Variants in EML4 observed in about 807,000 individuals in gnomAD.
The protein encoded by EML4 is EMAP like 4.
A neutral mutation model predicts 129.0 loss-of-function variants in EML4; 72 were observed. The observed-to-expected ratio is 0.56, with a 90% confidence interval of 0.46 to 0.68. The LOEUF (loss-of-function observed/expected upper bound fraction) is 0.68. EML4 is among the 30% of genes least tolerant of loss of function. The pLI is 0.00. For missense variants in EML4, 1,363 were observed against 1,190.6 expected (o/e 1.14, Z -2.13); for synonymous variants, 532 against 405.0 (o/e 1.31, Z -3.77).
At chr2:42,261,728 G>A (rs933314013) in intron 4 of EML4, among the ~76,000 whole-genome samples, 1 of 152,106 alleles carries the variant, frequency 6.6e-6, no homozygotes, top group Non-Finnish European at 1.5e-5. Context: ...ATCTCAAGTG[G>A]CTCTTCACTG....
In EML4 at chr2:42,304,448, C is replaced by T. The variant is rs1386990651; in HGVS notation, c.1900-36C>T. 19 of 1,566,684 alleles carry T rather than the reference C, an allele frequency of 1.2e-5. No individual in the cohort carries two copies. In the East Asian group the frequency reaches 3.8e-4, roughly 31 times the overall value. The stretch of plus-strand genomic sequence containing the variant: ...TACTGTCCCCATAGGGAGACTTTCT[C>T]ATGTACTCCCCAACAGCTGTCTGTC... On this transcript the variant is annotated intron_variant, in intron 16 of 22. Transcript: ENST00000318522.
chr2:42,183,593 G>A (rs776225208), intron 1 of EML4, among the ~76,000 whole-genome samples: 2 of 152,078 alleles, frequency 1.3e-5, no homozygotes, highest in Non-Finnish European at 2.9e-5. Flanking sequence ...GTATATGTAT[G>A]TATAAAATAC....
rs527682010 is a variant in EML4 at position 42,212,962 on chromosome 2, G to A, written c.26-32543G>A. On this transcript the variant is annotated intron_variant, in intron 1 of 22. Transcript: ENST00000318522. ...AAGCCAGTTTTTGCATTCTCATTTG[G>A]CTTATGTGATCTCTAAGTCACTTTC... Among the ~76,000 whole-genome samples, 9 of 152,208 alleles carry A rather than the reference G, an allele frequency of 5.9e-5. No homozygotes were observed. In the East Asian group the frequency reaches 1.7e-3, roughly 29 times the overall value.
At chr2:42,318,693 A>ATT (rs11386473) in intron 19 of EML4, among the ~76,000 whole-genome samples, 3 of 151,672 alleles carry the variant, frequency 2.0e-5, no homozygotes, top group Non-Finnish European at 4.4e-5. Flanking sequence ...CAGACCCCCA[A>ATT]TTTTTTTTGT....
intron 19 of EML4, among the ~76,000 whole-genome samples, chr2:42,321,779 C>T (rs1669535973): frequency 6.6e-6 from 1 of 152,126 alleles, no homozygotes; most frequent in African/African-American, 2.4e-5. Flanking sequence ...GACCACTTTT[C>T]CTCAAACCAG....
chr2:42,216,230 C>CTTTT lies in EML4; in HGVS notation c.26-29248_26-29245dup, dbSNP rs61417977. Among the ~76,000 whole-genome samples the CTTTT allele has an allele frequency of 3.8e-3, 164 of 43,380 alleles. 17 individuals are homozygous for CTTTT. The highest frequency in any genetic ancestry group is 0.016 in the Middle Eastern group (1 of 64). The allele number at this position is 43,380 out of a possible 152,430, so 28.5% of individuals were successfully genotyped here. A position where few individuals can be genotyped will look rare whatever the true frequency, so the allele number is the denominator to read the frequency against. The stretch of plus-strand genomic sequence containing the variant: ...ATGAGCTACCACACCCGGCCCACTT[C>CTTTT]TTTTTTTTTTTTTTTTTTTTTTTTT... On this transcript the variant is annotated intron_variant, in intron 1 of 22. Transcript: ENST00000318522.
At chr2:42,311,401 A>C (rs1186747085) in intron 17 of EML4, among the ~76,000 whole-genome samples, 1 of 152,100 alleles carries the variant, frequency 6.6e-6, no homozygotes, top group Non-Finnish European at 1.5e-5. Flanking sequence ...CCTCTACAAA[A>C]AATTAGCCAG....
chr2:42,193,298 A>G (rs545182147), intron 1 of EML4, among the ~76,000 whole-genome samples: 2 of 152,358 alleles, frequency 1.3e-5, no homozygotes, highest in African/African-American at 2.4e-5. Context: ...ATTTTGCACA[A>G]TGAAATTGCC....
At position 42,286,277 on chromosome 2, in the gene EML4, A is replaced by T; in HGVS notation, c.1020A>T (p.Gln340His). The T allele has an allele frequency of 6.2e-7, 1 of 1,611,576 alleles. No individual in the cohort carries two copies. Among genetic ancestry groups the T allele is most frequent in the Non-Finnish European group, 8.5e-7 (1 of 1,177,844 alleles). ...GTCTTGTGTTTTTGCAGCCTCTACA[A>T]CCCCACGTCAGAGTGTGGGATTCTG... The part of the protein sequence containing the change: ...AGVDKDGRPL[Q>H]PHVRVWDSVT... The change falls in exon 10 of 23, where the codon CAA becomes CAT. Residue 340 changes from glutamine (Q) to histidine (H), a missense_variant. Coordinates refer to ENST00000318522, the MANE Select transcript of EML4 (RefSeq NM_019063.5).
At chr2:42,234,872 T>G (rs1173946536) in intron 1 of EML4, among the ~76,000 whole-genome samples, 1 of 152,238 alleles carries the variant, frequency 6.6e-6, no homozygotes, top group Non-Finnish European at 1.5e-5. Flanking sequence ...AACAATTATC[T>G]AGGCCGGGCA....
rs1320176299 is a variant in EML4 at position 42,245,785 on chromosome 2, C to G, written c.208+98C>G. ...TAAAACTAGTTTCTTATGTGGATTA[C>G]TTGTGATTATAGTTTGTTTTCCATT... On this transcript the variant is annotated intron_variant, in intron 2 of 22. Transcript: ENST00000318522. 3.6e-6 allele frequency: 4 copies of G among 1,121,098 alleles called. No homozygotes were observed. The Admixed American group carries it at 1.3e-4, about 36-fold the overall frequency. The allele number at this position is 1,121,098 out of a possible 1,614,324, so 69.4% of individuals were successfully genotyped here.
intron 1 of EML4, among the ~76,000 whole-genome samples, chr2:42,210,417 A>C (rs1672824300): frequency 6.6e-6 from 1 of 152,226 alleles, no homozygotes; most frequent in South Asian, 2.1e-4. Flanking sequence ...TGTGAGCAAC[A>C]TGACATCATT....
At chr2:42,216,230 C>CCTTT (rs1673177607) in intron 1 of EML4, among the ~76,000 whole-genome samples, 7 of 43,356 alleles carry the variant, frequency 1.6e-4, no homozygotes, top group African/African-American at 8.9e-4. Context: ...CGGCCCACTT[C>CCTTT]TTTTTTTTTT....
intron 3 of EML4, among the ~76,000 whole-genome samples, chr2:42,259,645 GGAGT>G (rs1046112734): frequency 6.6e-6 from 1 of 151,410 alleles, no homozygotes; most frequent in Admixed American, 6.6e-5. Flanking sequence ...AGAAATGAAA[GGAGT>G]AAGAAATTTA....
At chr2:42,326,110 G>A (rs754340221) in intron 20 of EML4, 44 bp from the exon 21 acceptor site, 9 of 1,606,412 alleles carry the variant, frequency 5.6e-6, no homozygotes, top group African/African-American at 1.3e-5. Flanking sequence ...AAATACATTT[G>A]TACACAAGCA....
At chr2:42,290,038 G>T (rs1667539807) in intron 11 of EML4, 1 of 151,996 alleles carries the variant, frequency 6.6e-6, no homozygotes, top group Non-Finnish European at 1.5e-5. Flanking sequence ...AGTGACCCGA[G>T]ATCACGCCAT....
chr2:42,201,941 G>T (rs561468670), intron 1 of EML4, among the ~76,000 whole-genome samples: 1 of 152,098 alleles, frequency 6.6e-6, no homozygotes, highest in African/African-American at 2.4e-5. Context: ...AAATTAGCCG[G>T]GTGTGGTGCT....
intron 1 of EML4, among the ~76,000 whole-genome samples, chr2:42,220,329 C>A (rs1016031156): frequency 6.6e-6 from 1 of 151,342 alleles, no homozygotes; most frequent in Non-Finnish European, 1.5e-5. Flanking sequence ...AGCATGTGTA[C>A]CCACTTCATC....
At chr2:42,280,810 A>G (rs1187223992) in intron 6 of EML4, 40 bp from the exon 7 acceptor site, 1 of 1,539,214 alleles carries the variant, frequency 6.5e-7, no homozygotes, top group Non-Finnish European at 8.8e-7. Flanking sequence ...GACTATACAG[A>G]AAATACGTAT....
Sources: gnomAD v4.1 joint callset for allele counts (sites outside exome capture counted in the v4.1 genomes callset) on GRCh38, gnomAD v4.1.1 for gene constraint, MANE v1.5 for transcripts, NCBI Gene and HGNC (gene_info 2026-07-23, HGNC 2026-07-21) for gene names.